GSK3B: variants seen among roughly 807,000 people sequenced by gnomAD.
GSK3B encodes glycogen synthase kinase-3 beta.
In GSK3B, 15 loss-of-function variants were observed where a neutral mutation model predicts 56.4. The ratio of observed to expected loss-of-function variants is 0.27; its 90% CI spans 0.18 to 0.41. The LOEUF is 0.41. GSK3B is among the 10% of genes least tolerant of loss of function. The pLI, the probability that GSK3B is intolerant of heterozygous loss-of-function variation, is 1.00. For synonymous variants in GSK3B, 181 were observed against 188.9 expected, an observed-to-expected ratio of 0.96 and a Z score of 0.34; for missense variants, 300 against 513.4, an observed-to-expected ratio of 0.58 and a Z score of 4.02.
At chr3:119,934,530 G>A (rs961871795) in intron 3 of GSK3B, among the ~76,000 whole-genome samples, 6 of 152,210 alleles carry the variant, frequency 3.9e-5, no homozygotes, top group Non-Finnish European at 7.3e-5. Context: ...ATGTTGTAAT[G>A]AGGGATCCTC....
At chr3:119,929,065 A>G (rs933566279) in intron 3 of GSK3B, among the ~76,000 whole-genome samples, 7 of 152,210 alleles carry the variant, frequency 4.6e-5, no homozygotes, top group African/African-American at 1.7e-4. Flanking sequence ...ATGTGTGATG[A>G]TCCTATTTCT....
chr3:120,065,019 C>G (rs144263830), intron 1 of GSK3B, among the ~76,000 whole-genome samples: 102 of 152,042 alleles, frequency 6.7e-4, no homozygotes, highest in African/African-American at 2.4e-3. Flanking sequence ...GACTACAAAC[C>G]CCTTAGAAGA....
At chr3:119,928,576 G>A (rs1444561045) in intron 3 of GSK3B, among the ~76,000 whole-genome samples, 1 of 129,690 alleles carries the variant, frequency 7.7e-6, no homozygotes, top group Non-Finnish European at 1.5e-5. Context: ...CTGCACTCCA[G>A]CCTGGGAGAT....
intron 3 of GSK3B, among the ~76,000 whole-genome samples, chr3:119,933,642 C>T (rs1243583467): frequency 3.9e-5 from 6 of 152,036 alleles, no homozygotes; most frequent in African/African-American, 1.2e-4. Context: ...TTTGGGAGGC[C>T]GAGGTGGGTG....
intron 2 of GSK3B, among the ~76,000 whole-genome samples, chr3:119,957,753 A>G (rs1263181825): frequency 1.3e-5 from 2 of 152,222 alleles, no homozygotes; most frequent in African/African-American, 4.8e-5. Context: ...TAGAGAGGTT[A>G]AGAAATTTGG....
intron 1 of GSK3B, among the ~76,000 whole-genome samples, chr3:120,068,070 A>C (rs1475178400): frequency 1.3e-5 from 2 of 152,144 alleles, no homozygotes; most frequent in Non-Finnish European, 1.5e-5. Flanking sequence ...ATTTTCCAAA[A>C]ACATCATATG....
At chr3:119,875,262 G>A (rs191431270) in intron 8 of GSK3B, among the ~76,000 whole-genome samples, 1 of 151,956 alleles carries the variant, frequency 6.6e-6, no homozygotes, top group Admixed American at 6.6e-5. Context: ...TGAAGAAAAA[G>A]TAACTGGAAT....
At chr3:119,841,621 A>T (rs2055773305) in intron 10 of GSK3B, among the ~76,000 whole-genome samples, 1 of 152,228 alleles carries the variant, frequency 6.6e-6, no homozygotes. Flanking sequence ...TCAATCTGTA[A>T]AATGGAGTGG....
At chr3:119,851,778 T>C (rs2055933965) in intron 9 of GSK3B, among the ~76,000 whole-genome samples, 1 of 152,212 alleles carries the variant, frequency 6.6e-6, no homozygotes, top group Non-Finnish European at 1.5e-5. Flanking sequence ...TTATTACATA[T>C]AATAATTGTC....
chr3:119,914,596 T>C (rs947590970), intron 5 of GSK3B, among the ~76,000 whole-genome samples: 1 of 152,060 alleles, frequency 6.6e-6, no homozygotes. Context: ...AAACACCAGG[T>C]AAGAGTTTTA....
At chr3:119,945,366 GT>G (rs2107489956) in intron 3 of GSK3B, among the ~76,000 whole-genome samples, 1 of 152,138 alleles carries the variant, frequency 6.6e-6, no homozygotes, top group East Asian at 1.9e-4. Context: ...AAAATATTAG[GT>G]CTATTACTTT....
intron 1 of GSK3B, among the ~76,000 whole-genome samples, chr3:120,070,898 T>G (rs886125959): frequency 3.3e-5 from 5 of 152,164 alleles, no homozygotes. Context: ...TCTGCCTCAT[T>G]ATTAGTTTTG....
chr3:120,044,506 G>A (rs1267924018), intron 1 of GSK3B, among the ~76,000 whole-genome samples: 1 of 151,956 alleles, frequency 6.6e-6, no homozygotes, highest in Non-Finnish European at 1.5e-5. Flanking sequence ...TCACAACACT[G>A]AAAAGTAAGA....
At chr3:119,956,622 T>G (rs2057217261) in intron 2 of GSK3B, among the ~76,000 whole-genome samples, 1 of 152,060 alleles carries the variant, frequency 6.6e-6, no homozygotes, top group South Asian at 2.1e-4. Flanking sequence ...AGAAAAAAAG[T>G]GATCAAACTC....
intron 7 of GSK3B, among the ~76,000 whole-genome samples, chr3:119,882,825 G>A (rs2056394432): frequency 6.6e-6 from 1 of 151,942 alleles, no homozygotes; most frequent in Non-Finnish European, 1.5e-5. Context: ...TATTTCACCT[G>A]GGTTCCCCAC....
At chr3:119,971,853 C>T (rs1460350048) in intron 2 of GSK3B, among the ~76,000 whole-genome samples, 3 of 151,560 alleles carry the variant, frequency 2.0e-5, no homozygotes, top group Non-Finnish European at 2.9e-5. Context: ...CCTCGTGATC[C>T]GCCCGCCTCG....
At chr3:119,977,494 T>A (rs2057419241) in intron 2 of GSK3B, among the ~76,000 whole-genome samples, 1 of 152,200 alleles carries the variant, frequency 6.6e-6, no homozygotes. Flanking sequence ...TGCTGTTACT[T>A]TCTTAGAGCT....
At chr3:120,030,608 A>C (rs773796716) in intron 1 of GSK3B, among the ~76,000 whole-genome samples, 1 of 152,148 alleles carries the variant, frequency 6.6e-6, no homozygotes, top group Non-Finnish European at 1.5e-5. Context: ...GGACTTTTTC[A>C]CATGATGTTC....
intron 1 of GSK3B, among the ~76,000 whole-genome samples, chr3:120,086,971 C>T (rs988359536): frequency 3.9e-5 from 6 of 152,136 alleles, no homozygotes; most frequent in Non-Finnish European, 5.9e-5. Context: ...AGTACCTATC[C>T]ATTCCCCTGA....
Sources: gnomAD v4.1 joint callset for allele counts (sites outside exome capture counted in the v4.1 genomes callset) on GRCh38, gnomAD v4.1.1 for gene constraint, MANE v1.5 for transcripts, NCBI Gene and HGNC (gene_info 2026-07-23, HGNC 2026-07-21) for gene names.